The following ST18 variants were observed in gnomAD, a reference collection of about 807,000 sequenced individuals.
ST18 encodes ST18 C2H2C-type zinc finger transcription factor, also known as suppression of tumorigenicity 18 protein.
A neutral mutation model predicts 110.0 loss-of-function variants in ST18; 50 were observed. The ratio of observed to expected loss-of-function variants is 0.45; its 90% CI spans 0.36 to 0.58. The LOEUF (loss-of-function observed/expected upper bound fraction) is 0.58. Among genes scored for constraint, ST18 ranks in the 20% least tolerant of loss-of-function variants. The pLI, the probability that ST18 is intolerant of heterozygous loss-of-function variation, is 0.00. For synonymous variants in ST18, 461 were observed against 452.4 expected, an observed-to-expected ratio of 1.02 and a Z score of -0.24; for missense variants, 1,306 against 1,280.1, an observed-to-expected ratio of 1.02 and a Z score of -0.31.
intron 25 of ST18, among the ~76,000 whole-genome samples, chr8:52,114,486 A>G (rs890311115): frequency 3.3e-5 from 5 of 152,366 alleles, no homozygotes; most frequent in Admixed American, 3.3e-4. Flanking sequence ...AAGAAAGGAC[A>G]TTTAAATGTC....
intron 2 of ST18, among the ~76,000 whole-genome samples, chr8:52,251,362 T>C (rs1376734466): frequency 6.6e-6 from 1 of 152,124 alleles, no homozygotes; most frequent in Non-Finnish European, 1.5e-5. Context: ...TATATGTGTA[T>C]GTATAGATGT....
At chr8:52,305,647 G>C (rs1042058177) in intron 2 of ST18, among the ~76,000 whole-genome samples, 1 of 152,188 alleles carries the variant, frequency 6.6e-6, no homozygotes, top group African/African-American at 2.4e-5. Flanking sequence ...TCCAGATGCT[G>C]AGTGTGACAA....
intron 9 of ST18, among the ~76,000 whole-genome samples, chr8:52,172,915 A>G (rs550884503): frequency 6.6e-6 from 1 of 152,352 alleles, no homozygotes; most frequent in South Asian, 2.1e-4. Context: ...GATACTTAAC[A>G]ATAATAGTAT....
rs545603584 is a variant in ST18 at position 52,187,596 on chromosome 8, T to C, written c.87-7284A>G. Among the ~76,000 whole-genome samples the C allele has an allele frequency of 5.3e-5, 8 of 152,346 alleles. No individual in the cohort carries two copies. In the South Asian group the frequency reaches 1.4e-3, roughly 28 times the overall value. ...GGTTTAGAATTACAGTCCTCAACTTTTTCTTAAAGGATAATAGATCACTTT... is the reference window on the plus strand; with the variant it reads ...GGTTTAGAATTACAGTCCTCAACTTCTTCTTAAAGGATAATAGATCACTTT... On this transcript the variant is annotated intron_variant, in intron 8 of 25. Transcript: ENST00000689386.
chr8:52,178,638 A>C (rs1468345907), intron 9 of ST18, among the ~76,000 whole-genome samples: 2 of 132,434 alleles, frequency 1.5e-5, no homozygotes, highest in Non-Finnish European at 3.1e-5. Context: ...AAAAAAAAAA[A>C]AAAAACCACC....
chr8:52,125,925 G>T, intron 23 of ST18, 127 bp downstream of exon 23: 1 of 751,778 alleles, frequency 1.3e-6, no homozygotes, highest in Non-Finnish European at 2.1e-6. Flanking sequence ...CAAATCTGAG[G>T]AAACCTTTCT....
chr8:52,313,043 C>G (rs573291946), intron 2 of ST18: 1 of 152,418 alleles, frequency 6.6e-6, no homozygotes, highest in South Asian at 2.1e-4. Context: ...TAAATGAGAC[C>G]TGAGGGCACA....
chr8:52,353,484 C>T lies in ST18; in HGVS notation c.-465+55844G>A, dbSNP rs531410746. ...AAATAGAAAGTGTTGCCTTTGCTGCCAGAAAGTTTCTTGTCTAAATAAAAA... is the reference window on the plus strand; with the variant it reads ...AAATAGAAAGTGTTGCCTTTGCTGCTAGAAAGTTTCTTGTCTAAATAAAAA... On this transcript the variant is annotated intron_variant, in intron 2 of 25. Coordinates refer to ENST00000689386, the MANE Select transcript of ST18 (RefSeq NM_001352837.2). Among the ~76,000 whole-genome samples, 4 of 152,244 alleles carry T rather than the reference C, an allele frequency of 2.6e-5. No individual in the cohort carries two copies. In the South Asian group the frequency reaches 8.3e-4, roughly 32 times the overall value.
intron 2 of ST18, among the ~76,000 whole-genome samples, chr8:52,255,336 C>T (rs943880051): frequency 6.6e-6 from 1 of 152,128 alleles, no homozygotes; most frequent in South Asian, 2.1e-4. Flanking sequence ...CCTTCCCACT[C>T]CTAATAGTAT....
chr8:52,273,733 G>A (rs1280193857), intron 2 of ST18, among the ~76,000 whole-genome samples: 6 of 152,184 alleles, frequency 3.9e-5, no homozygotes, highest in African/African-American at 1.4e-4. Flanking sequence ...TCCCCAGTTA[G>A]ATGACTAGGT....
At position 52,318,597 on chromosome 8, in the gene ST18, G is replaced by A. The variant is rs188721745; in HGVS notation, c.-464-88520C>T. 2.3e-3 allele frequency among the ~76,000 whole-genome samples: 344 copies of A among 152,204 alleles called. 1 individual carries two copies. Among genetic ancestry groups the A allele is most frequent in the African/African-American group, 7.8e-3 (322 of 41,524 alleles). On this transcript the variant is annotated intron_variant, in intron 2 of 25. Transcript: ENST00000689386. ...TTCTATTATAAAGACACATGCACAC[G>A]TATGTTCATTGCAGCACTATTCACA...
At chr8:52,184,369 A>G (rs570530057) in intron 8 of ST18, among the ~76,000 whole-genome samples, 2 of 152,136 alleles carry the variant, frequency 1.3e-5, no homozygotes, top group Non-Finnish European at 2.9e-5. Flanking sequence ...ATACTTTTCA[A>G]GTTTTGACTG....
At chr8:52,147,703 G>A (rs2057713917) in intron 16 of ST18, among the ~76,000 whole-genome samples, 3 of 151,972 alleles carry the variant, frequency 2.0e-5, no homozygotes, top group Admixed American at 1.3e-4. Context: ...ATGAGACACT[G>A]TCCTTCCTGT....
At chr8:52,215,839 CGTGA>C (rs1199933376) in intron 6 of ST18, among the ~76,000 whole-genome samples, 3 of 152,164 alleles carry the variant, frequency 2.0e-5, no homozygotes, top group African/African-American at 7.2e-5. Context: ...CCCCTCCTCC[CGTGA>C]GTATCTCTGT....
intron 2 of ST18, among the ~76,000 whole-genome samples, chr8:52,347,348 G>A (rs527956043): frequency 3.2e-4 from 48 of 152,280 alleles, no homozygotes; most frequent in African/African-American, 1.0e-3. Context: ...GATGAGAAGT[G>A]GGATATGGAA....
intron 2 of ST18, among the ~76,000 whole-genome samples, chr8:52,295,057 A>G (rs2095611052): frequency 6.6e-6 from 1 of 152,276 alleles, no homozygotes; most frequent in Admixed American, 6.5e-5. Flanking sequence ...TTTACCTCTA[A>G]GGAGCCTGCC....
chr8:52,212,227 T>C lies in ST18; in HGVS notation c.56-118A>G, dbSNP rs896648673. On this transcript the variant is annotated intron_variant, in intron 7 of 25. Coordinates refer to ENST00000689386, the MANE Select transcript of ST18 (RefSeq NM_001352837.2). The stretch of plus-strand genomic sequence containing the variant: ...ACCAATAAGTTTCTCACTGGGTGGG[T>C]TCATCTTTTCTTGTTCTAGTTCTTT... The C allele has an allele frequency of 4.4e-6, 4 of 902,714 alleles. No homozygotes were observed. The African/African-American group carries it at 6.7e-5, about 15-fold the overall frequency. 55.9% of individuals were successfully genotyped at this position (902,714 alleles called of 1,614,324 possible).
intron 13 of ST18, among the ~76,000 whole-genome samples, chr8:52,162,230 T>C (rs1049323495): frequency 3.3e-5 from 5 of 152,036 alleles, no homozygotes; most frequent in African/African-American, 9.7e-5. Flanking sequence ...AAAAAAGCCA[T>C]GTTACCATCA....
chr8:52,191,556 G>A (rs2074496430), intron 8 of ST18, among the ~76,000 whole-genome samples: 1 of 152,094 alleles, frequency 6.6e-6, no homozygotes, highest in African/African-American at 2.4e-5. Context: ...CCACATGCAG[G>A]GCATGTGCAG....
Sources: gnomAD v4.1 joint callset for allele counts (sites outside exome capture counted in the v4.1 genomes callset) on GRCh38, gnomAD v4.1.1 for gene constraint, MANE v1.5 for transcripts, NCBI Gene and HGNC (gene_info 2026-07-23, HGNC 2026-07-21) for gene names.